The following LARP4B variants were observed in gnomAD, a reference collection of about 807,000 sequenced individuals.
The protein encoded by LARP4B is La ribonucleoprotein 4B, also known as la-related protein 4B.
A neutral mutation model predicts 89.8 loss-of-function variants in LARP4B; 12 were observed. That is an observed-to-expected ratio of 0.13 (90% confidence interval 0.09 to 0.22). The LOEUF (loss-of-function observed/expected upper bound fraction) is 0.22. Ranked by LOEUF, LARP4B falls within the 10% of genes least tolerant of loss-of-function variation. The pLI is 1.00. For synonymous variants in LARP4B, 367 were observed against 363.3 expected (o/e 1.01, Z -0.12); for missense variants, 757 against 947.7 (o/e 0.80, Z 2.64).
At chr10:847,776 AC>A (rs908133440) in intron 5 of LARP4B, among the ~76,000 whole-genome samples, 3 of 152,070 alleles carry the variant, frequency 2.0e-5, no homozygotes, top group Non-Finnish European at 4.4e-5. Flanking sequence ...TGATCTGCCC[AC>A]CTCAGCCTCC....
At chr10:956,813 A>G in the LARP4B span, among the ~76,000 whole-genome samples, 1 of 152,042 alleles carries the variant, frequency 6.6e-6, no homozygotes, top group Admixed American at 6.6e-5. The surrounding 1 kb of genome is among the most constrained non-coding windows in gnomAD (Gnocchi z 4.3). Flanking sequence ...CTCCAGGCCC[A>G]AGGTATGTGG....
At position 864,171 on chromosome 10, in the gene LARP4B, C is replaced by T. The variant is rs1834772127; in HGVS notation, c.241G>A (p.Ala81Thr). 1.2e-6 allele frequency: 2 copies of T among 1,614,242 alleles called. No individual in the cohort carries two copies. The highest frequency in any genetic ancestry group is 1.3e-5 in the African/African-American group (1 of 75,056). ...TGGCCAGCCACCTCCTCCCATGCAG[C>T]ACTCACACCGTCAGCAGCACTGCTT... Reference protein sequence around the residue: ...EASSAADGVSAAWEEVAGHHA... With the variant: ...EASSAADGVSTAWEEVAGHHA... The change falls in exon 4 of 18, where the codon GCT (alanine) becomes ACT (threonine). Residue 81 changes from alanine to threonine, a missense_variant. This residue lies in a region of LARP4B where 175 missense variants were observed against 187.0 expected (regional missense o/e 0.94). Transcript: ENST00000316157.
chr10:919,715 C>T (rs116454598), intron 1 of LARP4B, among the ~76,000 whole-genome samples: 149 of 152,276 alleles, frequency 9.8e-4, no homozygotes, highest in African/African-American at 3.3e-3. Context: ...ACAAAGGTGA[C>T]GGGTATGAAC....
chr10:970,308 T>G, the LARP4B span, among the ~76,000 whole-genome samples: 1 of 152,074 alleles, frequency 6.6e-6, no homozygotes. Context: ...AGTAGGAGAG[T>G]GCTTTTGGAA....
chr10:878,980 T>C (rs1835566815), intron 3 of LARP4B, among the ~76,000 whole-genome samples: 1 of 152,112 alleles, frequency 6.6e-6, no homozygotes. Context: ...CTGATCCCAG[T>C]GCCTTGAAAG....
intron 1 of LARP4B, among the ~76,000 whole-genome samples, chr10:889,933 A>T (rs929521939): frequency 6.6e-6 from 1 of 152,206 alleles, no homozygotes; most frequent in South Asian, 2.1e-4. Context: ...GACAGAGTGA[A>T]ACTCTCTCAA....
intron 1 of LARP4B, among the ~76,000 whole-genome samples, chr10:909,102 G>A (rs937802394): frequency 8.6e-5 from 13 of 152,026 alleles, no homozygotes; most frequent in African/African-American, 2.7e-4. Context: ...AGATCATCCT[G>A]GCTAACACGG....
Position 924,761 on chromosome 10 carries a change from C to T in LARP4B, c.-40+6667G>A, listed in dbSNP as rs150372868. 3.4e-4 allele frequency among the ~76,000 whole-genome samples: 52 copies of T among 152,324 alleles called. 1 individual carries two copies. Among genetic ancestry groups the T allele is most frequent in the African/African-American group, 8.7e-4 (36 of 41,576 alleles). Reference sequence around the variant, plus strand: ...GCCTTCTGATCCCTCCCATCCAGGCCGGATGTCAGTGCACTGCACTTTCTT... The same window carrying T: ...GCCTTCTGATCCCTCCCATCCAGGCTGGATGTCAGTGCACTGCACTTTCTT... On this transcript the variant is annotated intron_variant, in intron 1 of 17. Transcript: ENST00000316157.
chr10:908,485 G>A (rs1476885588), intron 1 of LARP4B, among the ~76,000 whole-genome samples: 3 of 152,220 alleles, frequency 2.0e-5, no homozygotes, highest in Non-Finnish European at 4.4e-5. Context: ...AACAACCTGT[G>A]GCGTGGGAGT....
At chr10:837,720 A>T (rs1435448504) in intron 7 of LARP4B, among the ~76,000 whole-genome samples, 2 of 152,184 alleles carry the variant, frequency 1.3e-5, no homozygotes, top group Non-Finnish European at 2.9e-5. Context: ...CAGGATCCAT[A>T]CCCCACACCA....
At chr10:912,851 G>A (rs189123862) in intron 1 of LARP4B, among the ~76,000 whole-genome samples, 1 of 152,242 alleles carries the variant, frequency 6.6e-6, no homozygotes, top group East Asian at 1.9e-4. Flanking sequence ...GAATGGCAGT[G>A]AGACCCCATC....
chr10:980,000 A>G, the LARP4B span, among the ~76,000 whole-genome samples: 4 of 152,360 alleles, frequency 2.6e-5, no homozygotes, highest in Non-Finnish European at 4.4e-5. Context: ...AGATATAGGC[A>G]GCATTGGGTA....
chr10:941,052 C>T, the LARP4B span, among the ~76,000 whole-genome samples: 1 of 152,080 alleles, frequency 6.6e-6, no homozygotes, highest in Admixed American at 6.5e-5. Flanking sequence ...AGGTTGTTTG[C>T]TGAAGATGAG....
chr10:935,344 C>G (rs769673706), upstream of LARP4B, among the ~76,000 whole-genome samples: 2 of 152,176 alleles, frequency 1.3e-5, no homozygotes, highest in African/African-American at 4.8e-5. Flanking sequence ...CACTTAGGTC[C>G]TAATGGATGT....
the LARP4B span, among the ~76,000 whole-genome samples, chr10:948,788 G>A: frequency 6.6e-6 from 1 of 152,196 alleles, no homozygotes; most frequent in Non-Finnish European, 1.5e-5. Flanking sequence ...CTTCACCAGG[G>A]CCACTCTGAA....
intron 3 of LARP4B, among the ~76,000 whole-genome samples, chr10:883,165 T>A (rs1835738086): frequency 1.3e-5 from 2 of 152,258 alleles, no homozygotes. Flanking sequence ...ACTTTATGTC[T>A]TATATAATTT....
At chr10:869,519 A>G (rs1033594392) in intron 3 of LARP4B, among the ~76,000 whole-genome samples, 7 of 152,228 alleles carry the variant, frequency 4.6e-5, no homozygotes, top group African/African-American at 1.7e-4. Flanking sequence ...ATGTTATAGT[A>G]ATTCACAGCC....
At chr10:875,350 T>C (rs541452897) in intron 3 of LARP4B, among the ~76,000 whole-genome samples, 1 of 152,316 alleles carries the variant, frequency 6.6e-6, no homozygotes, top group East Asian at 1.9e-4. Context: ...TGGAATAGAA[T>C]CTCAGAGTCC....
chr10:950,041 G>C, the LARP4B span, among the ~76,000 whole-genome samples: 1 of 151,994 alleles, frequency 6.6e-6, no homozygotes, highest in African/African-American at 2.4e-5. Flanking sequence ...CTTCCACAGT[G>C]CTTGGATTAC....
Sources: gnomAD v4.1 joint callset for allele counts (sites outside exome capture counted in the v4.1 genomes callset) on GRCh38, gnomAD v4.1.1 for gene constraint, gnomAD v4.1.1 regional missense constraint, Gnocchi (gnomAD v3.1) non-coding constraint, MANE v1.5 for transcripts, NCBI Gene and HGNC (gene_info 2026-07-23, HGNC 2026-07-21) for gene names.